The following ZFP90 variants were observed in gnomAD, a reference collection of about 807,000 sequenced individuals.
ZFP90 encodes ZFP90 zinc finger protein, also known as zinc finger protein 90 homolog.
A neutral mutation model predicts 60.8 loss-of-function variants in ZFP90; 38 were observed. That is an observed-to-expected ratio of 0.62 (90% confidence interval 0.48 to 0.82). ZFP90 has a LOEUF of 0.82. ZFP90 is among the 40% of genes least tolerant of loss of function. The pLI, the probability that ZFP90 is intolerant of heterozygous loss-of-function variation, is 0.00. For missense variants in ZFP90, 711 were observed against 759.1 expected, an observed-to-expected ratio of 0.94 and a Z score of 0.74; for synonymous variants, 287 against 264.8, an observed-to-expected ratio of 1.08 and a Z score of -0.82.
At chr16:68,537,487 C>A (rs1471155387), upstream of ZFP90, among the ~76,000 whole-genome samples, 4 of 152,190 alleles carry the variant, frequency 2.6e-5, no homozygotes, top group African/African-American at 9.7e-5. Flanking sequence ...CCGGTCCACT[C>A]TAATTCATAC....
At chr16:68,574,767 A>G (rs943524764) in intron 2 of ZFP90, among the ~76,000 whole-genome samples, 5 of 152,016 alleles carry the variant, frequency 3.3e-5, no homozygotes, top group Non-Finnish European at 7.4e-5. Flanking sequence ...TCTAAAAAAA[A>G]TACAAAAATT....
Position 68,564,052 on chromosome 16 carries a change from A to T in ZFP90, c.1265A>T (p.Tyr422Phe), listed in dbSNP as rs936013231. 1.9e-6 allele frequency: 3 copies of T among 1,614,030 alleles called. No individual in the cohort carries two copies. Among genetic ancestry groups the T allele is most frequent in the Non-Finnish European group, 2.5e-6 (3 of 1,180,018 alleles). Residue 422 changes from tyrosine to phenylalanine, a missense_variant, in exon 5 of 5, where the codon TAC becomes TTC. Tyr to Phe is a conservative substitution (Grantham distance 22). Around this residue, in one of 5 missense-constraint regions of ZFP90, gnomAD observed 295 missense variants for 274.0 expected, o/e 1.08. Coordinates refer to ENST00000563169, the MANE Select transcript of ZFP90 (RefSeq NM_001305203.2). ...HMRIHKRGKPYQSSNYSIDFK... is the reference protein window; with the variant it reads ...HMRIHKRGKPFQSSNYSIDFK... ...AGGATTCATAAGAGAGGCAAACCTT[A>T]CCAAAGCAGTAACTACAGCATAGAT...
rs1215602822 is a variant in ZFP90, at chr16:68,557,171, A to G, written c.34-827A>G. ...CCAGGCTAATTTTTTGATCTTTTGT[A>G]GAGATGGGGTTTTGCTCTATTGCCT... On this transcript the variant is annotated intron_variant, in intron 2 of 4. Transcript: ENST00000563169. 6.6e-6 allele frequency: 3 copies of G among 454,122 alleles called. No homozygotes were observed. The Admixed American group carries it at 7.1e-5, about 11-fold the overall frequency. 28.1% of individuals were successfully genotyped at this position (454,122 alleles called of 1,614,324 possible). A position where few individuals can be genotyped will look rare whatever the true frequency, so the allele number is the denominator to read the frequency against.
chr16:68,576,238 G>A (rs2091593557), downstream of ZFP90, among the ~76,000 whole-genome samples: 1 of 152,192 alleles, frequency 6.6e-6, no homozygotes, highest in South Asian at 2.1e-4. Context: ...TGACTTGTAT[G>A]GTGGTTTCCT....
At chr16:68,541,726 C>T (rs552554307) in intron 2 of ZFP90, among the ~76,000 whole-genome samples, 67 of 152,276 alleles carry the variant, frequency 4.4e-4, no homozygotes, top group South Asian at 3.1e-3. Flanking sequence ...CAGAGCACAT[C>T]ATGATCGTTA....
downstream of ZFP90, among the ~76,000 whole-genome samples, chr16:68,568,346 T>A (rs986913113): frequency 6.6e-6 from 1 of 152,206 alleles, no homozygotes; most frequent in African/African-American, 2.4e-5. Context: ...AGTCAGAATA[T>A]TGCAAAATAA....
downstream of ZFP90, among the ~76,000 whole-genome samples, chr16:68,567,713 C>T (rs1388195465): frequency 1.3e-5 from 2 of 152,210 alleles, no homozygotes; most frequent in Non-Finnish European, 1.5e-5. Flanking sequence ...GGAAGCTCCC[C>T]ATCAGTCCAA....
chr16:68,542,210 C>T (rs536891010), intron 2 of ZFP90, among the ~76,000 whole-genome samples: 5 of 152,206 alleles, frequency 3.3e-5, no homozygotes, highest in Non-Finnish European at 5.9e-5. Flanking sequence ...AGTGTTGTTG[C>T]GGAGGTCCAG....
intron 2 of ZFP90, among the ~76,000 whole-genome samples, chr16:68,554,743 G>A (rs2091317131): frequency 6.6e-6 from 1 of 152,032 alleles, no homozygotes. Context: ...CTTGAGCCCA[G>A]GAGTTTGAGA....
At chr16:68,545,689 C>A (rs1234274077) in intron 2 of ZFP90, among the ~76,000 whole-genome samples, 1 of 152,118 alleles carries the variant, frequency 6.6e-6, no homozygotes, top group African/African-American at 2.4e-5. Context: ...GTGGCCGGTG[C>A]CTGTAGTCCC....
At chr16:68,544,641 T>TA (rs1392402307) in intron 2 of ZFP90, among the ~76,000 whole-genome samples, 1 of 151,982 alleles carries the variant, frequency 6.6e-6, no homozygotes, top group Non-Finnish European at 1.5e-5. Flanking sequence ...CACCCAAACT[T>TA]AGACAAGATG....
downstream of ZFP90, among the ~76,000 whole-genome samples, chr16:68,568,901 ACTC>A (rs2152077879): frequency 6.6e-6 from 1 of 152,010 alleles, no homozygotes; most frequent in East Asian, 1.9e-4. Flanking sequence ...CTGGTTTCGA[ACTC>A]CTGGCCTCAA....
At chr16:68,562,995 A>AT in intron 4 of ZFP90, 49 bp from the exon 5 acceptor site, 1 of 1,608,078 alleles carries the variant, frequency 6.2e-7, no homozygotes, top group Non-Finnish European at 8.5e-7. Context: ...CTAGCAGTGT[A>AT]TTTCAACAGG....
chr16:68,565,960 T>C lies in ZFP90; in HGVS notation c.*1262T>C. On this transcript the variant is annotated 3_prime_UTR_variant, in exon 5 of 5. Transcript: ENST00000563169. ...GACAACATGGTGAAACCCCATCTCTTTAAAAAAAAAAAAAAATCCAAAAAT... is the reference window on the plus strand; with the variant it reads ...GACAACATGGTGAAACCCCATCTCTCTAAAAAAAAAAAAAAATCCAAAAAT... The C allele has an allele frequency of 1.3e-6, 1 of 752,070 alleles. No individual in the cohort carries two copies. Among genetic ancestry groups the C allele is most frequent in the Non-Finnish European group, 1.6e-6 (1 of 622,542 alleles). The allele number at this position is 752,070 out of a possible 1,614,324, so 46.6% of individuals were successfully genotyped here.
chr16:68,563,908 C>G lies in ZFP90; in HGVS notation c.1121C>G (p.Ala374Gly). The change falls in exon 5 of 5, where the codon GCC becomes GGC. Residue 374 changes from alanine to glycine, a missense_variant. By Grantham distance (60) the Ala-to-Gly change is moderately conservative. This residue lies in a region of ZFP90 where 146 missense variants were observed against 201.4 expected (regional missense o/e 0.73). Transcript: ENST00000563169. ...TTCCAGTGTAAGGAATGTGGGAAAGCCTTTAGTCGATGTTCTTCCCTTGTC... is the reference window on the plus strand; with the variant it reads ...TTCCAGTGTAAGGAATGTGGGAAAGGCTTTAGTCGATGTTCTTCCCTTGTC... ...KPFQCKECGK[A>G]FSRCSSLVQH... 1 of 1,614,108 alleles carries G rather than the reference C, an allele frequency of 6.2e-7. No individual in the cohort carries two copies. The highest frequency in any genetic ancestry group is 8.5e-7 in the Non-Finnish European group (1 of 1,180,012).
In ZFP90 at chr16:68,566,201, C is replaced by G. The variant is rs914336674; in HGVS notation, c.*1503C>G. 5.1e-6 allele frequency: 5 copies of G among 985,448 alleles called. No homozygotes were observed. Among genetic ancestry groups the G allele is most frequent in the South Asian group, 4.7e-5 (1 of 21,288 alleles). 61.0% of individuals were successfully genotyped at this position (985,448 alleles called of 1,614,324 possible). A position where few individuals can be genotyped will look rare whatever the true frequency, so the allele number is the denominator to read the frequency against. On this transcript the variant is annotated 3_prime_UTR_variant, in exon 5 of 5. Transcript: ENST00000563169. Reference sequence around the variant, plus strand: ...ATCAGCTAAGCTTCAGTGGCCTGCTCCATCCCCTAATGACTCCCATGGGCT... The same window carrying G: ...ATCAGCTAAGCTTCAGTGGCCTGCTGCATCCCCTAATGACTCCCATGGGCT...
At chr16:68,551,788 T>C (rs1389698598) in intron 2 of ZFP90, among the ~76,000 whole-genome samples, 1 of 152,084 alleles carries the variant, frequency 6.6e-6, no homozygotes, top group Non-Finnish European at 1.5e-5. Context: ...AGGCAGAGTC[T>C]GGCTCTGTCA....
rs138886232 is a variant in ZFP90, at chr16:68,539,689, TGGGGCGGGGC to T, written c.-35-59_-35-50del. 2.9e-5 allele frequency: 26 copies of T among 884,362 alleles called. No individual in the cohort carries two copies. The Middle Eastern group carries it at 1.4e-3, about 49-fold the overall frequency. The allele number at this position is 884,362 out of a possible 1,614,324, so 54.8% of individuals were successfully genotyped here. A position where few individuals can be genotyped will look rare whatever the true frequency, so the allele number is the denominator to read the frequency against. ...TGGAGATGTGGTTTAGGGGCGGAGG[TGGGGCGGGGC>T]GGGGCGGGGTGGGGTCGGTGTTGCA... On this transcript the variant is annotated intron_variant, in intron 1 of 4. Transcript: ENST00000563169.
downstream of ZFP90, among the ~76,000 whole-genome samples, chr16:68,567,966 A>G (rs1221242340): frequency 6.6e-6 from 1 of 152,092 alleles, no homozygotes; most frequent in African/African-American, 2.4e-5. Flanking sequence ...TAAAAATACT[A>G]AGGTGGTTAA....
Sources: gnomAD v4.1 joint callset for allele counts (sites outside exome capture counted in the v4.1 genomes callset) on GRCh38, gnomAD v4.1.1 for gene constraint, gnomAD v4.1.1 regional missense constraint, MANE v1.5 for transcripts, NCBI Gene and HGNC (gene_info 2026-07-23, HGNC 2026-07-21) for gene names.